The following DLGAP4 variants were observed in gnomAD, a reference collection of about 807,000 sequenced individuals.
DLGAP4 encodes disks large-associated protein 4.
DLGAP4 carries 18 observed loss-of-function variants against 86.9 expected under a neutral mutation model. The observed-to-expected ratio is 0.21, with a 90% confidence interval of 0.14 to 0.31. The LOEUF (loss-of-function observed/expected upper bound fraction) is 0.31, where lower values mean the gene tolerates loss of function less well. Ranked by LOEUF, DLGAP4 falls within the 10% of genes least tolerant of loss-of-function variation. The pLI, the probability that DLGAP4 is intolerant of heterozygous loss-of-function variation, is 1.00. For missense variants in DLGAP4, 1,085 were observed against 1,362.6 expected, an observed-to-expected ratio of 0.80 and a Z score of 3.21; for synonymous variants, 548 against 574.3, an observed-to-expected ratio of 0.95 and a Z score of 0.65.
At chr20:36,489,211 C>G (rs1456073248) in intron 7 of DLGAP4, among the ~76,000 whole-genome samples, 1 of 152,172 alleles carries the variant, frequency 6.6e-6, no homozygotes, top group Admixed American at 6.5e-5. Context: ...TGTCTGCGAG[C>G]CCCTTAAGTG....
chr20:36,420,231 A>T (rs2032783963), intron 2 of DLGAP4, among the ~76,000 whole-genome samples: 1 of 152,206 alleles, frequency 6.6e-6, no homozygotes, highest in Non-Finnish European at 1.5e-5. Context: ...TGGATGCTGG[A>T]GACGCAGTGG....
At chr20:36,387,357 G>A (rs192250830) in intron 2 of DLGAP4, among the ~76,000 whole-genome samples, 58 of 152,198 alleles carry the variant, frequency 3.8e-4, no homozygotes, top group Middle Eastern at 3.4e-3. Flanking sequence ...TTTTTTATGC[G>A]TCACATCTTT....
At chr20:36,440,056 G>A (rs2033403236) in intron 5 of DLGAP4, among the ~76,000 whole-genome samples, 188 bp downstream of exon 5, 1 of 152,174 alleles carries the variant, frequency 6.6e-6, no homozygotes, top group Non-Finnish European at 1.5e-5. Context: ...TGTGGCTGGA[G>A]AGCACAGTTA....
At chr20:36,481,177 G>A (rs1186006098) in intron 7 of DLGAP4, among the ~76,000 whole-genome samples, 1 of 152,160 alleles carries the variant, frequency 6.6e-6, no homozygotes, top group African/African-American at 2.4e-5. Context: ...CCTGTGTCTA[G>A]CCTGGCTGGC....
intron 2 of DLGAP4, among the ~76,000 whole-genome samples, chr20:36,369,977 G>C (rs79349582): frequency 6.6e-6 from 1 of 152,166 alleles, no homozygotes; most frequent in Non-Finnish European, 1.5e-5. Context: ...AAAGAGTGGA[G>C]GAGGTGAGAT....
At chr20:36,467,061 T>TCCCC (rs2034437154) in intron 7 of DLGAP4, among the ~76,000 whole-genome samples, 2 of 50,198 alleles carry the variant, frequency 4.0e-5, no homozygotes, top group African/African-American at 1.4e-4. Context: ...TCTCTCTCTC[T>TCCCC]CTCCCCCCCC....
chr20:36,432,586 A>T lies in DLGAP4; in HGVS notation c.869A>T (p.Lys290Ile). The T allele has an allele frequency of 6.2e-7, 1 of 1,611,762 alleles. No homozygotes were observed. The highest frequency in any genetic ancestry group is 8.5e-7 in the Non-Finnish European group (1 of 1,179,290). Residue 290 changes from lysine (K) to isoleucine (I), a missense_variant, in exon 3 of 13, where the codon AAA (lysine) becomes ATA (isoleucine). By Grantham distance (102) the Lys-to-Ile change is moderately radical. Around this residue, in one of 2 missense-constraint regions of DLGAP4, gnomAD observed 1,082 missense variants for 1,344.1 expected, o/e 0.81. Transcript: ENST00000339266. The surrounding 1 kb of genome is among the most constrained non-coding windows in gnomAD (Gnocchi z 6.5). ...LGVGTDTNYV[K>I]RGSWSTLTLS... is the part of the protein sequence containing the mutation. ...GTGGGCACTGACACCAACTACGTCA[A>T]ACGGGGCTCCTGGTCCACTCTGACC...
chr20:36,364,802 T>A (rs2030627905), intron 1 of DLGAP4, among the ~76,000 whole-genome samples: 1 of 152,146 alleles, frequency 6.6e-6, no homozygotes, highest in Non-Finnish European at 1.5e-5. Context: ...CCGACCATTA[T>A]AAAGAAGTGG....
intron 2 of DLGAP4, among the ~76,000 whole-genome samples, chr20:36,400,757 T>C (rs1339691488): frequency 1.8e-5 from 2 of 111,148 alleles, no homozygotes; most frequent in South Asian, 5.6e-4. Context: ...CACTCTGGAG[T>C]GGGGGGAATC....
intron 1 of DLGAP4, among the ~76,000 whole-genome samples, chr20:36,342,354 G>A (rs1426102156): frequency 6.6e-6 from 1 of 152,222 alleles, no homozygotes; most frequent in Non-Finnish European, 1.5e-5. Context: ...GGAGTTGGGG[G>A]CTGGATAGAC....
chr20:36,526,830 C>T lies in DLGAP4; in HGVS notation c.2778C>T (p.Pro926=), dbSNP rs776611297. The change falls in exon 13 of 13, where the codon CCC becomes CCT. Residue 926 remains proline, a synonymous_variant. Coordinates refer to ENST00000339266, the MANE Select transcript of DLGAP4 (RefSeq NM_001365621.2). ...PEKRKEEKKP[P]PPVPKKPAKS... ...CACTAAAGGAAGAGAAGAAACCACC[C>T]CCTCCGGTCCCAAAGAAGCCAGCCA... 2 of 1,607,022 alleles carry T rather than the reference C, an allele frequency of 1.2e-6. No homozygotes were observed. The highest frequency in any genetic ancestry group is 8.5e-7 in the Non-Finnish European group (1 of 1,177,978).
Position 36,432,824 on chromosome 20 carries a change from C to T in DLGAP4, c.999+108C>T. The stretch of plus-strand genomic sequence containing the variant: ...CTTGGAAAGTCACTTCATTCTGGGC[C>T]TCTGTGGCTCAGCTATAAAATGGGT... On this transcript the variant is annotated intron_variant, in intron 3 of 12. Coordinates refer to ENST00000339266, the MANE Select transcript of DLGAP4 (RefSeq NM_001365621.2). The surrounding 1 kb of genome is among the most constrained non-coding windows in gnomAD (Gnocchi z 6.5). 2.1e-6 allele frequency: 3 copies of T among 1,401,030 alleles called. No homozygotes were observed. Among genetic ancestry groups the T allele is most frequent in the Non-Finnish European group, 2.9e-6 (3 of 1,032,672 alleles). The allele number at this position is 1,401,030 out of a possible 1,614,324, so 86.8% of individuals were successfully genotyped here.
At chr20:36,366,301 T>C (rs912626390) in intron 1 of DLGAP4, among the ~76,000 whole-genome samples, 2 of 152,076 alleles carry the variant, frequency 1.3e-5, no homozygotes, top group Non-Finnish European at 2.9e-5. Flanking sequence ...CCTGAAGTGA[T>C]CCACCCACCT....
intron 1 of DLGAP4, among the ~76,000 whole-genome samples, chr20:36,320,538 C>T (rs536136962): frequency 2.0e-5 from 3 of 152,116 alleles, no homozygotes; most frequent in Non-Finnish European, 4.4e-5. Context: ...TGCGTCATGC[C>T]CCCCACTCCC....
chr20:36,415,874 C>T (rs1335750280), intron 2 of DLGAP4, among the ~76,000 whole-genome samples: 2 of 152,138 alleles, frequency 1.3e-5, no homozygotes, highest in Admixed American at 6.6e-5. Context: ...GAGGGGCCAG[C>T]CATGATCATC....
intron 10 of DLGAP4, among the ~76,000 whole-genome samples, chr20:36,510,662 C>G (rs545194654): frequency 6.6e-6 from 1 of 152,244 alleles, no homozygotes; most frequent in East Asian, 1.9e-4. Context: ...CCGCCTGCCT[C>G]GGCCTCCCAA....
chr20:36,405,875 C>A (rs1474819663), intron 2 of DLGAP4, among the ~76,000 whole-genome samples: 1 of 152,138 alleles, frequency 6.6e-6, no homozygotes, highest in Non-Finnish European at 1.5e-5. Context: ...CCAGGCTGGT[C>A]CCCAAGAGCA....
At chr20:36,382,903 A>C (rs1447328130) in intron 2 of DLGAP4, among the ~76,000 whole-genome samples, 1 of 152,162 alleles carries the variant, frequency 6.6e-6, no homozygotes, top group East Asian at 1.9e-4. Context: ...TTGACCTAGC[A>C]CATAGTAGAC....
chr20:36,392,172 C>G (rs935238429), intron 2 of DLGAP4, among the ~76,000 whole-genome samples: 6 of 152,154 alleles, frequency 3.9e-5, no homozygotes, highest in African/African-American at 1.4e-4. Flanking sequence ...GAGGGAGCCA[C>G]TCGGCTTCCA....
Sources: gnomAD v4.1 joint callset for allele counts (sites outside exome capture counted in the v4.1 genomes callset) on GRCh38, gnomAD v4.1.1 for gene constraint, gnomAD v4.1.1 regional missense constraint, Gnocchi (gnomAD v3.1) non-coding constraint, MANE v1.5 for transcripts, NCBI Gene and HGNC (gene_info 2026-07-23, HGNC 2026-07-21) for gene names.